Variants in SMYD3 observed in about 807,000 individuals in gnomAD.
SMYD3 encodes the protein histone-lysine N-methyltransferase SMYD3.
In SMYD3, 36 loss-of-function variants were observed where a neutral mutation model predicts 57.7. The ratio of observed to expected loss-of-function variants is 0.62; its 90% CI spans 0.48 to 0.82. The LOEUF (loss-of-function observed/expected upper bound fraction) is 0.82, where lower values mean the gene tolerates loss of function less well. Ranked by LOEUF, SMYD3 falls within the 40% of genes least tolerant of loss-of-function variation. The probability of loss-of-function intolerance (pLI) is 0.00; values close to 1 mark genes in which losing one functional copy is unlikely to be tolerated. For missense variants in SMYD3, 515 were observed against 538.8 expected (o/e 0.96, Z 0.44); for synonymous variants, 211 against 195.0 (o/e 1.08, Z -0.68).
intron 5 of SMYD3, among the ~76,000 whole-genome samples, chr1:246,185,742 G>T (rs1388674166): frequency 6.6e-6 from 1 of 152,178 alleles, no homozygotes; most frequent in Non-Finnish European, 1.5e-5. Context: ...TTACAGGCAT[G>T]AGCCACCGTG....
chr1:246,280,440 A>G lies in SMYD3; in HGVS notation c.531+46761T>C, dbSNP rs1005395178. Among the ~76,000 whole-genome samples the G allele has an allele frequency of 2.6e-5, 4 of 152,178 alleles. No individual in the cohort carries two copies. In the South Asian group the frequency reaches 8.3e-4, roughly 31 times the overall value. ...AAGAGAGCTAAACTATCCACATTCC[A>G]TAGTTTACCTTCTGTCACTAATAAT... On this transcript the variant is annotated intron_variant, in intron 5 of 11. Transcript: ENST00000490107.
intron 5 of SMYD3, among the ~76,000 whole-genome samples, chr1:246,154,583 T>G (rs1164939981): frequency 3.3e-5 from 5 of 152,176 alleles, no homozygotes; most frequent in African/African-American, 1.2e-4. Flanking sequence ...TTTAGTAATT[T>G]TCAAAGCAGT....
intron 8 of SMYD3, among the ~76,000 whole-genome samples, chr1:245,911,635 C>G (rs934501318): frequency 1.3e-5 from 2 of 151,940 alleles, no homozygotes; most frequent in African/African-American, 4.8e-5. Context: ...ATGCCAGGCA[C>G]AGAAAGACAT....
intron 5 of SMYD3, among the ~76,000 whole-genome samples, chr1:246,070,627 C>T (rs537202257): frequency 2.0e-5 from 3 of 152,294 alleles, no homozygotes; most frequent in African/African-American, 7.2e-5. Context: ...ACCTGAGGAT[C>T]TGTCAGAACC....
At chr1:246,014,655 T>C (rs575435832) in intron 5 of SMYD3, among the ~76,000 whole-genome samples, 27 of 152,198 alleles carry the variant, frequency 1.8e-4, no homozygotes, top group Admixed American at 5.9e-4. Context: ...AGAGCTACTT[T>C]TAGACTTTTG....
At chr1:246,189,947 A>T (rs1268631183) in intron 5 of SMYD3, among the ~76,000 whole-genome samples, 2 of 152,236 alleles carry the variant, frequency 1.3e-5, no homozygotes, top group African/African-American at 2.4e-5. Flanking sequence ...TGGCACCGTA[A>T]CAAACAAGGG....
At chr1:246,117,369 C>A (rs1334989621) in intron 5 of SMYD3, among the ~76,000 whole-genome samples, 1 of 152,156 alleles carries the variant, frequency 6.6e-6, no homozygotes, top group African/African-American at 2.4e-5. Flanking sequence ...TTCTCTGCTG[C>A]CCCCTTCTGC....
intron 10 of SMYD3, among the ~76,000 whole-genome samples, chr1:245,771,685 G>C (rs1041274106): frequency 2.6e-5 from 4 of 152,182 alleles, no homozygotes; most frequent in African/African-American, 7.2e-5. Context: ...GAGTAAACGG[G>C]ACAAAGAGGC....
chr1:246,475,992 G>C (rs1288372382), intron 1 of SMYD3, among the ~76,000 whole-genome samples: 1 of 152,072 alleles, frequency 6.6e-6, no homozygotes, highest in Non-Finnish European at 1.5e-5. Flanking sequence ...TCTAGATTTT[G>C]TTATTCTATG....
In SMYD3 at chr1:246,118,007, A is replaced by T. The variant is rs139298807; in HGVS notation, c.532-188070T>A. Reference sequence around the variant, plus strand: ...AGGAGGCAAAGACCAATAACTGTGTAATGCTGATAATGAACTTTTAAAGGT... The same window carrying T: ...AGGAGGCAAAGACCAATAACTGTGTTATGCTGATAATGAACTTTTAAAGGT... On this transcript the variant is annotated intron_variant, in intron 5 of 11. Coordinates refer to ENST00000490107, the MANE Select transcript of SMYD3 (RefSeq NM_001167740.2). Among the ~76,000 whole-genome samples, 158 of 152,304 alleles carry T rather than the reference A, an allele frequency of 1.0e-3. 2 individuals carry two copies. The highest frequency in any genetic ancestry group is 3.7e-3 in the African/African-American group (154 of 41,548).
chr1:246,030,006 C>CTTT (rs58066934), intron 5 of SMYD3, among the ~76,000 whole-genome samples: 4 of 135,132 alleles, frequency 3.0e-5, no homozygotes, highest in South Asian at 2.4e-4. Context: ...TTCTTTCTTT[C>CTTT]TTTTTTTTTT....
At chr1:246,106,807 T>G (rs1384823320) in intron 5 of SMYD3, among the ~76,000 whole-genome samples, 23 of 152,110 alleles carry the variant, frequency 1.5e-4, no homozygotes, top group Non-Finnish European at 1.5e-5. Flanking sequence ...GTTTCAAAGC[T>G]TCTGTCTTAT....
chr1:246,385,033 C>T (rs899555346), intron 1 of SMYD3, among the ~76,000 whole-genome samples: 1 of 152,026 alleles, frequency 6.6e-6, no homozygotes, highest in Non-Finnish European at 1.5e-5. Context: ...TGAAACAAAT[C>T]AAAATCATGC....
chr1:245,871,130 A>C (rs185324961), intron 8 of SMYD3, among the ~76,000 whole-genome samples: 1 of 152,332 alleles, frequency 6.6e-6, no homozygotes, highest in Non-Finnish European at 1.5e-5. Flanking sequence ...AAACGGAAGA[A>C]AGGTTTTTAG....
At chr1:245,765,078 A>ACACACACACACAAAAAAAAAAAAAAC (rs1553315995) in intron 10 of SMYD3, among the ~76,000 whole-genome samples, 4 of 139,534 alleles carry the variant, frequency 2.9e-5, no homozygotes, top group African/African-American at 1.1e-4. Context: ...ACACACACAC[A>ACACACACACACAAAAAAAAAAAAAAC]AAACCACAGT....
At chr1:246,317,338 C>A (rs2065178572) in intron 5 of SMYD3, among the ~76,000 whole-genome samples, 1 of 152,208 alleles carries the variant, frequency 6.6e-6, no homozygotes, top group Non-Finnish European at 1.5e-5. Flanking sequence ...GAATTTTCTC[C>A]CAGCACATCC....
At chr1:245,878,968 T>A (rs1202120088) in intron 8 of SMYD3, among the ~76,000 whole-genome samples, 2 of 152,220 alleles carry the variant, frequency 1.3e-5, no homozygotes, top group Non-Finnish European at 2.9e-5. Flanking sequence ...GTTTAGCCCA[T>A]GAAACCAATT....
intron 5 of SMYD3, among the ~76,000 whole-genome samples, chr1:246,282,546 T>TC (rs1426174403): frequency 2.4e-5 from 2 of 84,688 alleles, no homozygotes; most frequent in Non-Finnish European, 5.8e-5. Flanking sequence ...AATTATTTGT[T>TC]CCAAAAAAAA....
At chr1:246,293,148 A>G (rs2064728167) in intron 5 of SMYD3, among the ~76,000 whole-genome samples, 1 of 151,818 alleles carries the variant, frequency 6.6e-6, no homozygotes, top group African/African-American at 2.4e-5. Context: ...GTGAATCCCC[A>G]AACTACATCA....
Sources: gnomAD v4.1 joint callset for allele counts (sites outside exome capture counted in the v4.1 genomes callset) on GRCh38, gnomAD v4.1.1 for gene constraint, MANE v1.5 for transcripts, NCBI Gene and HGNC (gene_info 2026-07-23, HGNC 2026-07-21) for gene names.